THSD7A: variants seen among roughly 807,000 people sequenced by gnomAD.
THSD7A encodes thrombospondin type-1 domain-containing protein 7A.
A neutral mutation model predicts 231.3 loss-of-function variants in THSD7A; 96 were observed. The ratio of observed to expected loss-of-function variants is 0.41; its 90% confidence interval spans 0.35 to 0.49. The LOEUF (loss-of-function observed/expected upper bound fraction) is 0.49, where lower values mean the gene tolerates loss of function less well. Ranked by LOEUF, THSD7A falls within the 20% of genes least tolerant of loss-of-function variation. The pLI is 0.05. For synonymous variants in THSD7A, 940 were observed against 743.3 expected, an observed-to-expected ratio of 1.26 and a Z score of -4.30; for missense variants, 2,290 against 2,070.2, an observed-to-expected ratio of 1.11 and a Z score of -2.06.
rs1468209072 is a variant in THSD7A at position 11,446,432 on chromosome 7, A to G, written c.2801-108T>C. The G allele has an allele frequency of 1.0e-5, 13 of 1,255,904 alleles. No homozygotes were observed. The highest frequency in any genetic ancestry group is 3.0e-5 in the African/African-American group (2 of 66,612). 77.8% of individuals were successfully genotyped at this position (1,255,904 alleles called of 1,614,324 possible). ...AATTTCTTTTTCTTCATTTTTAACC[A>G]TATTTAACAGTAGCCTATAAATCAA... On this transcript the variant is annotated intron_variant, in intron 12 of 27. Coordinates refer to ENST00000423059, the MANE Select transcript of THSD7A (RefSeq NM_015204.3). The surrounding 1 kb of genome is among the most constrained non-coding windows in gnomAD (Gnocchi z 4.0).
chr7:11,679,234 C>A (rs568820005), intron 1 of THSD7A, among the ~76,000 whole-genome samples: 1 of 152,264 alleles, frequency 6.6e-6, no homozygotes, highest in East Asian at 1.9e-4. Context: ...AAACCCACAG[C>A]CAGTATCATA....
intron 16 of THSD7A, among the ~76,000 whole-genome samples, chr7:11,421,905 T>A (rs1784157244): frequency 6.6e-6 from 1 of 152,236 alleles, no homozygotes; most frequent in Non-Finnish European, 1.5e-5. Context: ...ATATTAAAAA[T>A]TTTTATAATC....
At chr7:11,757,505 G>A (rs1367414264) in intron 1 of THSD7A, among the ~76,000 whole-genome samples, 1 of 151,970 alleles carries the variant, frequency 6.6e-6, no homozygotes, top group Non-Finnish European at 1.5e-5. Flanking sequence ...CCTCACCCAA[G>A]TTACAGATCT....
intron 4 of THSD7A, among the ~76,000 whole-genome samples, chr7:11,544,220 T>A (rs1789277431): frequency 6.6e-6 from 1 of 152,104 alleles, no homozygotes; most frequent in Non-Finnish European, 1.5e-5. Flanking sequence ...TGCACACCTG[T>A]AGTCCCAGCT....
At chr7:11,748,157 T>C (rs1295593472) in intron 1 of THSD7A, among the ~76,000 whole-genome samples, 1 of 151,922 alleles carries the variant, frequency 6.6e-6, no homozygotes, top group Non-Finnish European at 1.5e-5. Flanking sequence ...GGAGAGAATG[T>C]GTGAGGGCCT....
At position 11,411,356 on chromosome 7, in the gene THSD7A, C is replaced by G. The variant is rs1783779710; in HGVS notation, c.3683-34G>C. 30 of 1,445,656 alleles carry G rather than the reference C, an allele frequency of 2.1e-5. No homozygotes were observed. The highest frequency in any genetic ancestry group is 2.9e-5 in the Non-Finnish European group (30 of 1,037,218). 89.6% of individuals were successfully genotyped at this position (1,445,656 alleles called of 1,614,324 possible). Reference sequence around the variant, plus strand: ...AAGGGAAGCCCATCAGAACAGAAGGCTAAGTAAGAAACAGATTTCAAATGA... The same window carrying G: ...AAGGGAAGCCCATCAGAACAGAAGGGTAAGTAAGAAACAGATTTCAAATGA... On this transcript the variant is annotated intron_variant, in intron 18 of 27. Coordinates refer to ENST00000423059, the MANE Select transcript of THSD7A (RefSeq NM_015204.3). The surrounding 1 kb of genome is among the most constrained non-coding windows in gnomAD (Gnocchi z 4.1).
At chr7:11,748,164 G>T (rs145521485) in intron 1 of THSD7A, among the ~76,000 whole-genome samples, 1 of 151,938 alleles carries the variant, frequency 6.6e-6, no homozygotes, top group Admixed American at 6.6e-5. Flanking sequence ...ATGTGTGAGG[G>T]CCTGAGTATC....
intron 18 of THSD7A, 118 bp downstream of exon 18, chr7:11,412,538 G>C: frequency 8.3e-7 from 1 of 1,204,618 alleles, no homozygotes; most frequent in Non-Finnish European, 1.1e-6. Context: ...TTCTGGGAAA[G>C]TAAGCAGCAT....
intron 1 of THSD7A, among the ~76,000 whole-genome samples, chr7:11,690,315 A>C (rs77556118): frequency 0.092 from 13,927 of 151,824 alleles, 799 homozygotes; most frequent in Non-Finnish European, 0.14. Context: ...TTACAGGGGA[A>C]GTATAACACA....
intron 4 of THSD7A, among the ~76,000 whole-genome samples, chr7:11,552,943 G>A (rs1357498217): frequency 6.6e-6 from 1 of 152,022 alleles, no homozygotes; most frequent in East Asian, 1.9e-4. Context: ...CCCCTCCCTC[G>A]GGTCTTTTCT....
In THSD7A at chr7:11,406,844, T is replaced by C. The variant is rs935010747; in HGVS notation, c.4062+66A>G. 2.5e-5 allele frequency: 38 copies of C among 1,544,286 alleles called. No homozygotes were observed. The highest frequency in any genetic ancestry group is 3.2e-5 in the Non-Finnish European group (36 of 1,138,330). ...TATTTCTAACACATTATTTTTATGT[T>C]TTTCTGCAGATGAAGTCTCTGCAGA... On this transcript the variant is annotated intron_variant, in intron 21 of 27. Coordinates refer to ENST00000423059, the MANE Select transcript of THSD7A (RefSeq NM_015204.3). This position sits in a 1 kb window ranked among gnomAD's most constrained non-coding sequence, Gnocchi z 4.7.
chr7:11,794,814 C>A (rs1055633495), intron 1 of THSD7A, among the ~76,000 whole-genome samples: 9 of 151,950 alleles, frequency 5.9e-5, no homozygotes, highest in African/African-American at 2.2e-4. Context: ...GAAATAGAAG[C>A]AAATTCTTTA....
chr7:11,459,836 A>G (rs1240494244), intron 11 of THSD7A, among the ~76,000 whole-genome samples: 1 of 151,924 alleles, frequency 6.6e-6, no homozygotes, highest in African/African-American at 2.4e-5. Flanking sequence ...GAAATACGTA[A>G]CTACACATGG....
At chr7:11,419,131 A>AC (rs1784056198) in intron 16 of THSD7A, among the ~76,000 whole-genome samples, 2 of 152,186 alleles carry the variant, frequency 1.3e-5, no homozygotes, top group Admixed American at 1.3e-4. Flanking sequence ...TTACCTATTG[A>AC]CCAGAGTTAA....
intron 1 of THSD7A, among the ~76,000 whole-genome samples, chr7:11,813,669 C>T (rs865966729): frequency 1.3e-5 from 2 of 151,732 alleles, no homozygotes; most frequent in Middle Eastern, 3.4e-3. Context: ...GCCGAGATAG[C>T]ACCACCGCAC....
chr7:11,392,834 T>C (rs1178382130), intron 23 of THSD7A, among the ~76,000 whole-genome samples: 1 of 152,240 alleles, frequency 6.6e-6, no homozygotes, highest in Non-Finnish European at 1.5e-5. Context: ...CCTCTCTAGA[T>C]TCCTTCTCCC....
intron 1 of THSD7A, among the ~76,000 whole-genome samples, chr7:11,711,396 C>T (rs1032043128): frequency 1.6e-4 from 24 of 150,916 alleles, no homozygotes; most frequent in Non-Finnish European, 4.5e-5. Context: ...ATTCCTATCC[C>T]CCAAGTTAAG....
At chr7:11,461,079 T>C (rs951234653) in intron 10 of THSD7A, among the ~76,000 whole-genome samples, 2 of 152,206 alleles carry the variant, frequency 1.3e-5, no homozygotes, top group African/African-American at 4.8e-5. Flanking sequence ...AAGTGATGCA[T>C]GCCATTTAAA....
rs200840859 is a variant in THSD7A at position 11,390,982 on chromosome 7, G to A, written c.4412-8366C>T. On this transcript the variant is annotated intron_variant, in intron 23 of 27. Coordinates refer to ENST00000423059, the MANE Select transcript of THSD7A (RefSeq NM_015204.3). ...TTCCTCTGAAAACTTCATCCCAGAG[G>A]GGCACCTGCCAGATGCCAGCCAGAG... Among the ~76,000 whole-genome samples the A allele has an allele frequency of 2.0e-5, 3 of 152,210 alleles. No individual in the cohort carries two copies. In the East Asian group the frequency reaches 5.8e-4, roughly 29 times the overall value.
Sources: allele counts gnomAD v4.1 joint callset (sites outside exome capture counted in the v4.1 genomes callset), GRCh38; gene constraint gnomAD v4.1.1; non-coding constraint Gnocchi (gnomAD v3.1); transcripts MANE v1.5; gene names NCBI Gene and HGNC (gene_info 2026-07-23, HGNC 2026-07-21).